The following LMO7 variants were observed in gnomAD, a reference collection of about 807,000 sequenced individuals.
LMO7 encodes the protein LIM domain 7.
Under a neutral mutation model 206.5 loss-of-function variants are expected in LMO7, and 120 were observed. The ratio of observed to expected loss-of-function variants is 0.58; its 90% CI spans 0.50 to 0.68. LMO7 has a LOEUF of 0.68. Among genes scored for constraint, LMO7 ranks in the 30% least tolerant of loss-of-function variants. The pLI, the probability that LMO7 is intolerant of heterozygous loss-of-function variation, is 0.00. For missense variants in LMO7, 1,959 were observed against 1,957.9 expected (o/e 1.00, Z -0.01); for synonymous variants, 706 against 681.5 (o/e 1.04, Z -0.56).
chr13:75,666,580 T>C (rs1319731118), intron 1 of LMO7, among the ~76,000 whole-genome samples: 1 of 152,158 alleles, frequency 6.6e-6, no homozygotes, highest in Non-Finnish European at 1.5e-5. Context: ...CTGAAATGAT[T>C]CTCCCCTTGT....
chr13:75,670,068 A>G (rs1299790992), intron 1 of LMO7, among the ~76,000 whole-genome samples: 1 of 152,136 alleles, frequency 6.6e-6, no homozygotes, highest in African/African-American at 2.4e-5. Flanking sequence ...AAGGCCCTAA[A>G]CTTTGTGCAG....
At position 75,834,173 on chromosome 13, in the gene LMO7, T is replaced by C. The variant is rs987415502; in HGVS notation, c.3065-53T>C. The C allele has an allele frequency of 1.2e-5, 16 of 1,378,738 alleles. No homozygotes were observed. The African/African-American group carries it at 2.2e-4, about 19-fold the overall frequency. The allele number at this position is 1,378,738 out of a possible 1,614,324, so 85.4% of individuals were successfully genotyped here. On this transcript the variant is annotated intron_variant, in intron 16 of 30. Coordinates refer to ENST00000377534, the MANE Select transcript of LMO7 (RefSeq NM_001306080.2). ...TTCTTAAGTTCAAAGCAGCAACTAA[T>C]AGAACATGTGGGATTTTTTTCCCCA...
chr13:75,804,847 CT>C, intron 8 of LMO7: 1 of 1,071,902 alleles, frequency 9.3e-7, no homozygotes, highest in Non-Finnish European at 1.1e-6. Context: ...AATGTTTTTC[CT>C]TTTTTGATTG....
chr13:75,853,069 G>T lies in LMO7; in HGVS notation c.4365-23G>T, dbSNP rs188005860. ...CTAGTTGAACATGTCACATTATTTT[G>T]ATGAGTCTTTTTTGTGTTTCAGAGG... On this transcript the variant is annotated intron_variant, in intron 27 of 30. Transcript: ENST00000377534. 4.1e-3 allele frequency: 6,376 copies of T among 1,547,806 alleles called. 25 individuals are homozygous for T. The highest frequency in any genetic ancestry group is 6.6e-3 in the South Asian group (549 of 82,698).
At chr13:75,779,030 G>T (rs624802) in intron 4 of LMO7, among the ~76,000 whole-genome samples, 1,861 of 152,174 alleles carry the variant, frequency 0.012, 48 homozygotes, top group African/African-American at 0.042. Flanking sequence ...CGAATTGATG[G>T]GATTTGGTGA....
In LMO7 at chr13:75,636,565, G is replaced by A. The variant is rs2138934968; in HGVS notation, c.-93G>A. 1.3e-6 allele frequency: 2 copies of A among 1,532,940 alleles called. No homozygotes were observed. The highest frequency in any genetic ancestry group is 2.0e-5 in the Admixed American group (1 of 49,380). 95.0% of individuals were successfully genotyped at this position (1,532,940 alleles called of 1,614,324 possible). ...CGGAAGCCGGAGTTGTGGGAGGCCC[G>A]CGTGCCCTCCCCGCCCGTGGGGCCC... On this transcript the variant is annotated 5_prime_UTR_variant, in exon 1 of 31. Coordinates refer to ENST00000377534, the MANE Select transcript of LMO7 (RefSeq NM_001306080.2).
At chr13:75,788,750 A>AT (rs1436889139) in intron 4 of LMO7, 2 of 152,202 alleles carry the variant, frequency 1.3e-5, no homozygotes, top group Non-Finnish European at 2.9e-5. Flanking sequence ...GTATCTTGTG[A>AT]GCCCAGCTCT....
chr13:75,746,821 A>T (rs1414319938), intron 3 of LMO7, among the ~76,000 whole-genome samples: 3 of 152,156 alleles, frequency 2.0e-5, no homozygotes, highest in African/African-American at 7.2e-5. Flanking sequence ...CAAGATGGGA[A>T]AAAGTGGACC....
At chr13:75,818,598 G>A (rs2057283906) in intron 12 of LMO7, among the ~76,000 whole-genome samples, 1 of 152,138 alleles carries the variant, frequency 6.6e-6, no homozygotes. Flanking sequence ...ACCCAGCAAG[G>A]TTAGGCTTAA....
chr13:75,810,055 C>T (rs1389952652), intron 11 of LMO7, among the ~76,000 whole-genome samples: 1 of 152,160 alleles, frequency 6.6e-6, no homozygotes, highest in East Asian at 1.9e-4. Flanking sequence ...TGGTCTCAAA[C>T]TCCTGACCTC....
intron 2 of LMO7, chr13:75,627,216 A>G (rs1435563017): frequency 6.6e-6 from 1 of 152,186 alleles, no homozygotes; most frequent in Non-Finnish European, 1.5e-5. Context: ...GTATCCATAC[A>G]ACCATTCTTT....
At chr13:75,706,284 C>T (rs1380157736) in intron 1 of LMO7, among the ~76,000 whole-genome samples, 1 of 152,200 alleles carries the variant, frequency 6.6e-6, no homozygotes, top group East Asian at 1.9e-4. Context: ...GTAGCTGAGG[C>T]AGCCTCTGTA....
chr13:75,688,220 G>A (rs2041176160), intron 1 of LMO7, among the ~76,000 whole-genome samples: 1 of 152,112 alleles, frequency 6.6e-6, no homozygotes, highest in South Asian at 2.1e-4. Flanking sequence ...TTTAAACCAA[G>A]TCAAGGTGTA....
chr13:75,621,086 A>C (rs1445027895), exon 1 of LMO7: 1 of 152,224 alleles, frequency 6.6e-6, no homozygotes, highest in Non-Finnish European at 1.5e-5. Flanking sequence ...TACATTTTAC[A>C]TGAGAATTAT....
At chr13:75,841,230 TTCTTC>T in intron 23 of LMO7, 29 bp downstream of exon 23, 1 of 1,432,492 alleles carries the variant, frequency 7.0e-7, no homozygotes, top group Non-Finnish European at 9.8e-7. Flanking sequence ...TGTTTAGTTT[TTCTTC>T]TCTTTACCTT....
chr13:75,626,571 T>TACATAC (rs1263277423), intron 2 of LMO7, among the ~76,000 whole-genome samples: 2 of 88,968 alleles, frequency 2.2e-5, no homozygotes, highest in Non-Finnish European at 2.4e-5. Context: ...CCTCTTAACA[T>TACATAC]ATATATTATA....
chr13:75,833,544 G>T (rs2058859666), intron 16 of LMO7, among the ~76,000 whole-genome samples: 1 of 152,004 alleles, frequency 6.6e-6, no homozygotes, highest in South Asian at 2.1e-4. Context: ...GATTTTTTTT[G>T]AGTGTTCTAA....
At chr13:75,813,300 C>A (rs1265211730) in intron 11 of LMO7, among the ~76,000 whole-genome samples, 1 of 152,212 alleles carries the variant, frequency 6.6e-6, no homozygotes, top group Admixed American at 6.5e-5. Context: ...TTTGGGAGAT[C>A]CCAAACAATC....
chr13:75,826,764 C>T lies in LMO7; in HGVS notation c.2949+2891C>T, dbSNP rs147458173. ...CATGGGCATGTTACTTGTCCAAGGCCGTGCAGGGTACCAAGTGGAGTCAGG... is the reference window on the plus strand; with the variant it reads ...CATGGGCATGTTACTTGTCCAAGGCTGTGCAGGGTACCAAGTGGAGTCAGG... On this transcript the variant is annotated intron_variant, in intron 15 of 30. Coordinates refer to ENST00000377534, the MANE Select transcript of LMO7 (RefSeq NM_001306080.2). Among the ~76,000 whole-genome samples, 7 of 152,150 alleles carry T rather than the reference C, an allele frequency of 4.6e-5. No individual in the cohort carries two copies. In the South Asian group the frequency reaches 6.2e-4, roughly 14 times the overall value.
Sources: gnomAD v4.1 joint callset for allele counts (sites outside exome capture counted in the v4.1 genomes callset) on GRCh38, gnomAD v4.1.1 for gene constraint, MANE v1.5 for transcripts, NCBI Gene and HGNC (gene_info 2026-07-23, HGNC 2026-07-21) for gene names.